The following PPP2R2B variants were observed in gnomAD, a reference collection of about 807,000 sequenced individuals.
PPP2R2B encodes the protein protein phosphatase 2 regulatory subunit Bbeta.
In PPP2R2B, 5 loss-of-function variants were observed where a neutral mutation model predicts 46.0. The observed-to-expected ratio is 0.11, with a 90% confidence interval of 0.06 to 0.23. PPP2R2B has a LOEUF of 0.23. PPP2R2B is among the 10% of genes least tolerant of loss of function. The pLI, the probability that PPP2R2B is intolerant of heterozygous loss-of-function variation, is 1.00. For missense variants in PPP2R2B, 367 were observed against 575.0 expected (o/e 0.64, Z 3.70); for synonymous variants, 215 against 206.7 (o/e 1.04, Z -0.34).
chr5:147,048,821 G>A (rs535217397), intron 1 of PPP2R2B, among the ~76,000 whole-genome samples: 34 of 152,004 alleles, frequency 2.2e-4, no homozygotes, highest in Non-Finnish European at 4.3e-4. Context: ...TCATACATTC[G>A]TGCTTTCAAT....
chr5:146,796,918 T>C (rs879541792), intron 2 of PPP2R2B, among the ~76,000 whole-genome samples: 3 of 152,186 alleles, frequency 2.0e-5, no homozygotes, highest in South Asian at 2.1e-4. Flanking sequence ...TATACCACCA[T>C]TGGCAATGAG....
At chr5:146,956,503 T>C (rs1176973365) in intron 1 of PPP2R2B, among the ~76,000 whole-genome samples, 2 of 152,200 alleles carry the variant, frequency 1.3e-5, no homozygotes, top group Non-Finnish European at 2.9e-5. Flanking sequence ...GCTTTTGAAA[T>C]AACCCAGGAT....
At chr5:146,795,361 A>G (rs887078400) in intron 2 of PPP2R2B, among the ~76,000 whole-genome samples, 3 of 152,314 alleles carry the variant, frequency 2.0e-5, no homozygotes, top group Middle Eastern at 3.4e-3. Flanking sequence ...TTCAGCCTTA[A>G]AAAAGGAAAC....
chr5:146,591,386 G>A (rs1353585894), intron 9 of PPP2R2B, among the ~76,000 whole-genome samples: 1 of 152,178 alleles, frequency 6.6e-6, no homozygotes, highest in African/African-American at 2.4e-5. Context: ...ACTGTGAACT[G>A]TGTCTGTGTA....
intron 5 of PPP2R2B, among the ~76,000 whole-genome samples, chr5:146,673,981 G>T (rs1777544247): frequency 6.6e-6 from 1 of 152,082 alleles, no homozygotes; most frequent in African/African-American, 2.4e-5. Context: ...TATGTCTTAG[G>T]CAAATAAACT....
chr5:146,898,406 A>G (rs1762716585), intron 1 of PPP2R2B, among the ~76,000 whole-genome samples: 1 of 152,190 alleles, frequency 6.6e-6, no homozygotes, highest in Admixed American at 6.5e-5. Context: ...GGTGCTGGGA[A>G]AACGGGCTAG....
At chr5:146,908,578 G>C (rs1342106159) in intron 1 of PPP2R2B, among the ~76,000 whole-genome samples, 1 of 149,392 alleles carries the variant, frequency 6.7e-6, no homozygotes, top group Non-Finnish European at 1.5e-5. Context: ...GAGACACTAA[G>C]GGCTCCATTA....
chr5:146,803,700 A>G (rs929474389), intron 2 of PPP2R2B, among the ~76,000 whole-genome samples: 11 of 152,196 alleles, frequency 7.2e-5, no homozygotes, highest in African/African-American at 2.7e-4. Context: ...GGGTAATGGT[A>G]AGGAATACAA....
chr5:146,740,757 A>G (rs1298611411), intron 2 of PPP2R2B, among the ~76,000 whole-genome samples: 1 of 152,140 alleles, frequency 6.6e-6, no homozygotes, highest in Admixed American at 6.5e-5. Context: ...ATGAACATGA[A>G]AAAAAATTCC....
At chr5:146,784,788 G>C (rs1009129979) in intron 2 of PPP2R2B, among the ~76,000 whole-genome samples, 1 of 152,140 alleles carries the variant, frequency 6.6e-6, no homozygotes, top group Non-Finnish European at 1.5e-5. Flanking sequence ...AGAAAAGAAG[G>C]TTCTATTATG....
At chr5:146,804,549 C>T (rs535649013) in intron 2 of PPP2R2B, among the ~76,000 whole-genome samples, 2 of 152,274 alleles carry the variant, frequency 1.3e-5, no homozygotes, top group African/African-American at 4.8e-5. Flanking sequence ...AGGGTTGTGA[C>T]TTGTCACTCA....
intron 2 of PPP2R2B, among the ~76,000 whole-genome samples, chr5:146,745,558 C>G (rs1337267141): frequency 1.3e-5 from 2 of 152,152 alleles, no homozygotes; most frequent in Admixed American, 1.3e-4. Context: ...TTAGAGTCCT[C>G]TAGATTGGTA....
At chr5:146,808,293 C>A (rs74550911) in intron 2 of PPP2R2B, among the ~76,000 whole-genome samples, 1 of 152,188 alleles carries the variant, frequency 6.6e-6, no homozygotes, top group East Asian at 1.9e-4. Flanking sequence ...TCAACAGTCA[C>A]ATGTGCCTAG....
intron 5 of PPP2R2B, among the ~76,000 whole-genome samples, chr5:146,688,744 G>T (rs576035438): frequency 1.3e-5 from 2 of 152,184 alleles, no homozygotes; most frequent in Admixed American, 6.5e-5. Flanking sequence ...TCTCCCAGGG[G>T]TTAAGCACAG....
At chr5:146,879,653 G>A (rs3806921), upstream of PPP2R2B, among the ~76,000 whole-genome samples, 5,908 of 152,054 alleles carry the variant, frequency 0.039, 396 homozygotes, top group African/African-American at 0.13. Flanking sequence ...GGAAGAAAAT[G>A]TAGAATTCCC....
intron 2 of PPP2R2B, among the ~76,000 whole-genome samples, chr5:146,707,997 T>C (rs575787413): frequency 4.3e-4 from 66 of 152,300 alleles, no homozygotes; most frequent in African/African-American, 1.6e-3. Flanking sequence ...TTTTAATTTG[T>C]TTTCAAACTG....
chr5:146,721,844 C>G (rs1049776202), intron 2 of PPP2R2B, among the ~76,000 whole-genome samples: 3 of 152,214 alleles, frequency 2.0e-5, no homozygotes, highest in African/African-American at 2.4e-5. Context: ...TAGGTAGGTA[C>G]TGCTCTCCCA....
At chr5:147,049,296 C>T (rs1580855302) in intron 1 of PPP2R2B, among the ~76,000 whole-genome samples, 1 of 152,050 alleles carries the variant, frequency 6.6e-6, no homozygotes, top group Non-Finnish European at 1.5e-5. Flanking sequence ...GAGGATGGCT[C>T]CAATGTTTTT....
intron 8 of PPP2R2B, among the ~76,000 whole-genome samples, chr5:146,596,656 T>A (rs1463502984): frequency 6.6e-6 from 1 of 152,174 alleles, no homozygotes. Context: ...AGGTTTGTCT[T>A]ATGCAGCTGG....
Sources: gnomAD v4.1 joint callset for allele counts (sites outside exome capture counted in the v4.1 genomes callset) on GRCh38, gnomAD v4.1.1 for gene constraint, MANE v1.5 for transcripts, NCBI Gene and HGNC (gene_info 2026-07-23, HGNC 2026-07-21) for gene names.